Variants in SGCD observed in about 807,000 individuals in gnomAD.
The protein encoded by SGCD is delta-sarcoglycan.
SGCD carries 18 observed loss-of-function variants against 36.6 expected under a neutral mutation model. The ratio of observed to expected loss-of-function variants is 0.49; its 90% CI spans 0.34 to 0.73. SGCD has a LOEUF of 0.73. Ranked by LOEUF, SGCD falls within the 30% of genes least tolerant of loss-of-function variation. The pLI is 0.01. For missense variants in SGCD, 387 were observed against 346.7 expected, an observed-to-expected ratio of 1.12 and a Z score of -0.92; for synonymous variants, 133 against 130.6, an observed-to-expected ratio of 1.02 and a Z score of -0.12.
At chr5:156,524,002 C>T (rs1221754449) in intron 4 of SGCD, among the ~76,000 whole-genome samples, 1 of 142,872 alleles carries the variant, frequency 7.0e-6, no homozygotes, top group Non-Finnish European at 1.5e-5. Context: ...TTTGTTATAA[C>T]ATTGGTGAAA....
chr5:156,318,592 T>C (rs1371222389), intron 3 of SGCD, among the ~76,000 whole-genome samples: 1 of 137,494 alleles, frequency 7.3e-6, no homozygotes, highest in Non-Finnish European at 1.6e-5. Context: ...ATGAATGACC[T>C]CTTTTTTTTT....
In SGCD at chr5:156,767,343, C is replaced by T. The variant is rs897772094; in HGVS notation, c.*7953C>T. 23 of 152,026 alleles carry T rather than the reference C, an allele frequency of 1.5e-4. No individual in the cohort carries two copies. The highest frequency in any genetic ancestry group is 2.9e-5 in the Non-Finnish European group (2 of 68,008). The allele number at this position is 152,026 out of a possible 1,614,324, so 9.4% of individuals were successfully genotyped here. ...ATTATGAAGAAGCTGAGACATACTT[C>T]TTAAGGAGGTCGTGTTTTAGAAGGA... On this transcript the variant is annotated 3_prime_UTR_variant, in exon 9 of 9. Transcript: ENST00000337851.
the SGCD span, among the ~76,000 whole-genome samples, chr5:155,863,806 T>C: frequency 1.3e-5 from 2 of 152,074 alleles, no homozygotes; most frequent in African/African-American, 2.4e-5. Flanking sequence ...GTAATGTTTC[T>C]ATTGTTTTTC....
chr5:156,257,429 G>T (rs1486717492), intron 3 of SGCD, among the ~76,000 whole-genome samples: 1 of 151,908 alleles, frequency 6.6e-6, no homozygotes, highest in Non-Finnish European at 1.5e-5. Flanking sequence ...AGCAGAGATG[G>T]CGACAATGCA....
intron 7 of SGCD, among the ~76,000 whole-genome samples, chr5:156,729,351 A>T (rs142295227): frequency 6.6e-6 from 1 of 152,126 alleles, no homozygotes; most frequent in Non-Finnish European, 1.5e-5. Context: ...TTTACTCTCT[A>T]TCTCTCCGGT....
chr5:156,123,376 G>A (rs1477539791), intron 2 of SGCD, among the ~76,000 whole-genome samples: 1 of 152,122 alleles, frequency 6.6e-6, no homozygotes, highest in Non-Finnish European at 1.5e-5. Flanking sequence ...CCAAGATGGA[G>A]TGGCCAGTGG....
intron 3 of SGCD, among the ~76,000 whole-genome samples, chr5:156,497,595 C>G (rs1235220646): frequency 6.6e-6 from 1 of 151,614 alleles, no homozygotes; most frequent in Non-Finnish European, 1.5e-5. Flanking sequence ...GTATAATGCT[C>G]TCTAGCTCTC....
chr5:155,915,991 T>C (rs1489906382), intron 1 of SGCD, among the ~76,000 whole-genome samples: 1 of 152,166 alleles, frequency 6.6e-6, no homozygotes, highest in Non-Finnish European at 1.5e-5. Context: ...CATAGATATG[T>C]AGGAGAAAAA....
chr5:156,039,046 C>A (rs1759570728), intron 1 of SGCD, among the ~76,000 whole-genome samples: 1 of 151,974 alleles, frequency 6.6e-6, no homozygotes, highest in African/African-American at 2.4e-5. Flanking sequence ...GCCTCAGGAG[C>A]TTTTTATCAA....
intron 2 of SGCD, among the ~76,000 whole-genome samples, chr5:156,337,102 A>G (rs2127710107): frequency 6.6e-6 from 1 of 152,354 alleles, no homozygotes; most frequent in East Asian, 1.9e-4. Flanking sequence ...TGACTAAAAA[A>G]CAAACCTTGA....
chr5:155,809,782 C>T, the SGCD span, among the ~76,000 whole-genome samples: 366 of 152,202 alleles, frequency 2.4e-3, no homozygotes, highest in African/African-American at 8.1e-3. Context: ...ACATCAAATA[C>T]GCCTAAACCT....
At chr5:156,481,972 C>T (rs773275851) in intron 3 of SGCD, among the ~76,000 whole-genome samples, 1 of 152,206 alleles carries the variant, frequency 6.6e-6, no homozygotes, top group Non-Finnish European at 1.5e-5. Context: ...ACTCAGGAAT[C>T]AGCGGGACCC....
At chr5:156,294,220 C>T (rs1766836132) in intron 3 of SGCD, among the ~76,000 whole-genome samples, 2 of 145,966 alleles carry the variant, frequency 1.4e-5, no homozygotes, top group Non-Finnish European at 2.9e-5. Flanking sequence ...TTAGTTATAA[C>T]AGAGATTTTT....
chr5:156,027,462 G>C (rs1759248130), intron 1 of SGCD, among the ~76,000 whole-genome samples: 1 of 152,162 alleles, frequency 6.6e-6, no homozygotes, highest in African/African-American at 2.4e-5. Context: ...AACTCTTATG[G>C]ATCTGACACT....
At chr5:155,942,413 T>A (rs539530066) in intron 1 of SGCD, among the ~76,000 whole-genome samples, 2 of 152,036 alleles carry the variant, frequency 1.3e-5, no homozygotes, top group African/African-American at 4.8e-5. Flanking sequence ...ACCCTCAATC[T>A]TTCTGGCATG....
chr5:155,973,584 G>A (rs1167805980), intron 1 of SGCD, among the ~76,000 whole-genome samples: 3 of 152,122 alleles, frequency 2.0e-5, no homozygotes, highest in African/African-American at 7.2e-5. Context: ...TTGGTGTTTG[G>A]CCATTTACCT....
At chr5:156,434,556 G>A (rs151119550) in intron 3 of SGCD, among the ~76,000 whole-genome samples, 65 of 152,278 alleles carry the variant, frequency 4.3e-4, no homozygotes, top group African/African-American at 1.2e-3. Context: ...CCCGGCCAGC[G>A]ATGCTGATAG....
chr5:155,919,687 G>C (rs375636411), intron 1 of SGCD, among the ~76,000 whole-genome samples: 16 of 152,212 alleles, frequency 1.1e-4, no homozygotes, highest in African/African-American at 3.9e-4. Context: ...CAAGACCCTT[G>C]GAAGGATGAG....
chr5:155,758,725 A>T, the SGCD span, among the ~76,000 whole-genome samples: 38,101 of 152,120 alleles, frequency 0.25, 4,972 homozygotes, highest in South Asian at 0.43. Flanking sequence ...GAACAGTTTC[A>T]TTCCCAAATC....
Sources: allele counts gnomAD v4.1 joint callset (sites outside exome capture counted in the v4.1 genomes callset), GRCh38; gene constraint gnomAD v4.1.1; transcripts MANE v1.5; gene names NCBI Gene and HGNC (gene_info 2026-07-23, HGNC 2026-07-21).